The following FAM161A variants were observed in gnomAD, a reference collection of about 807,000 sequenced individuals.
FAM161A encodes the protein FAM161 centrosomal protein A.
FAM161A carries 57 observed loss-of-function variants against 70.9 expected under a neutral mutation model. That is an observed-to-expected ratio of 0.80 (90% confidence interval 0.65 to 1.00). The LOEUF (loss-of-function observed/expected upper bound fraction) is 1.00, where lower values mean the gene tolerates loss of function less well. FAM161A is among the 50% of genes least tolerant of loss of function. The pLI, the probability that FAM161A is intolerant of heterozygous loss-of-function variation, is 0.00. For missense variants in FAM161A, 880 were observed against 836.0 expected (o/e 1.05, Z -0.65); for synonymous variants, 299 against 295.7 (o/e 1.01, Z -0.12).
chr2:61,801,282 G>A, the FAM161A span, among the ~76,000 whole-genome samples: 1 of 151,794 alleles, frequency 6.6e-6, no homozygotes, highest in South Asian at 2.1e-4. Flanking sequence ...CGGATCATGA[G>A]GTCAGGAGTC....
chr2:61,813,796 G>C, the FAM161A span, among the ~76,000 whole-genome samples: 1 of 151,990 alleles, frequency 6.6e-6, no homozygotes, highest in African/African-American at 2.4e-5. Context: ...TGCTGAAACA[G>C]TGTGCTTGAT....
At chr2:61,838,880 A>ATTT (rs1553354078) in intron 3 of FAM161A, among the ~76,000 whole-genome samples, 175 bp from the exon 4 acceptor site, 4 of 143,174 alleles carry the variant, frequency 2.8e-5, no homozygotes, top group Non-Finnish European at 4.5e-5. Flanking sequence ...TTATTTATTT[A>ATTT]TTTATTTATT....
Position 61,826,370 on chromosome 2 carries a change from C to T in FAM161A, c.*85G>A. ...GCCCTGCACATATCAGAAGCGTCCCCACAGATGTTCTAAACACAAATGCGG... is the reference window on the plus strand; with the variant it reads ...GCCCTGCACATATCAGAAGCGTCCCTACAGATGTTCTAAACACAAATGCGG... On this transcript the variant is annotated 3_prime_UTR_variant, in exon 7 of 7. Coordinates refer to ENST00000404929, the MANE Select transcript of FAM161A (RefSeq NM_001201543.2). 1.4e-6 allele frequency: 2 copies of T among 1,474,548 alleles called. No individual in the cohort carries two copies. The highest frequency in any genetic ancestry group is 1.9e-6 in the Non-Finnish European group (2 of 1,065,580). 91.3% of individuals were successfully genotyped at this position (1,474,548 alleles called of 1,614,324 possible).
Position 61,826,323 on chromosome 2 carries a change from C to T in FAM161A, c.*132G>A, listed in dbSNP as rs1349985323. ...ATCAGCTGGATTCAGGCTTTTCAGG[C>T]TACAGATGACTTTGATCAACAGCCC... is the stretch of plus-strand genomic sequence containing the variant. On this transcript the variant is annotated 3_prime_UTR_variant, in exon 7 of 7. Coordinates refer to ENST00000404929, the MANE Select transcript of FAM161A (RefSeq NM_001201543.2). The T allele has an allele frequency of 1.0e-6, 1 of 961,862 alleles. No individual in the cohort carries two copies. The highest frequency in any genetic ancestry group is 1.4e-5 in the South Asian group (1 of 71,846). 59.6% of individuals were successfully genotyped at this position (961,862 alleles called of 1,614,324 possible).
intron 4 of FAM161A, chr2:61,836,864 G>A: frequency 4.2e-6 from 1 of 238,728 alleles, no homozygotes; most frequent in Non-Finnish European, 9.3e-6. Flanking sequence ...ATGAGCCATT[G>A]CGCCTGGCCT....
chr2:61,812,813 T>C, the FAM161A span, among the ~76,000 whole-genome samples: 45 of 152,244 alleles, frequency 3.0e-4, no homozygotes, highest in Middle Eastern at 6.8e-3. Flanking sequence ...CTCACACCTG[T>C]AATCCCAGCA....
At chr2:61,845,712 T>C (rs1673182385) in intron 1 of FAM161A, among the ~76,000 whole-genome samples, 1 of 151,726 alleles carries the variant, frequency 6.6e-6, no homozygotes, top group Admixed American at 6.6e-5. Context: ...GGAGGATCAC[T>C]TGAGCCCAGG....
At chr2:61,850,252 C>G (rs889280930) in intron 1 of FAM161A, among the ~76,000 whole-genome samples, 1 of 151,932 alleles carries the variant, frequency 6.6e-6, no homozygotes, top group Non-Finnish European at 1.5e-5. Context: ...CAAAATTAGC[C>G]GGGCGTGGTG....
chr2:61,845,369 C>T (rs768654658), intron 1 of FAM161A, among the ~76,000 whole-genome samples: 2 of 152,328 alleles, frequency 1.3e-5, no homozygotes, highest in Non-Finnish European at 2.9e-5. Context: ...ATTTAACTCT[C>T]ACCCAATGCT....
chr2:61,804,768 G>GAGAAGAAAGAAAGAAAGAA, the FAM161A span, among the ~76,000 whole-genome samples: 1 of 118,952 alleles, frequency 8.4e-6, no homozygotes, highest in African/African-American at 3.2e-5. Context: ...GAAAAAGAAA[G>GAGAAGAAAGAAAGAAAGAA]AGAAAGAAAG....
chr2:61,810,478 G>C, the FAM161A span, among the ~76,000 whole-genome samples: 1 of 58,852 alleles, frequency 1.7e-5, no homozygotes, highest in East Asian at 3.1e-4. Flanking sequence ...TTTTTTTTGA[G>C]ATGGAGTCTC....
At position 61,824,901 on chromosome 2, in the gene FAM161A, C is replaced by T; in HGVS notation, c.*1554G>A. On this transcript the variant is annotated 3_prime_UTR_variant, in exon 7 of 7. Coordinates refer to ENST00000404929, the MANE Select transcript of FAM161A (RefSeq NM_001201543.2). ...TTAAGTACCTACCATATGTACAATACTGTTCCAAATATTAAGGGAATACAA... is the reference window on the plus strand; with the variant it reads ...TTAAGTACCTACCATATGTACAATATTGTTCCAAATATTAAGGGAATACAA... 1 of 449,188 alleles carries T rather than the reference C, an allele frequency of 2.2e-6. No individual in the cohort carries two copies. The highest frequency in any genetic ancestry group is 4.4e-6 in the Non-Finnish European group (1 of 225,568). The allele number at this position is 449,188 out of a possible 1,614,324, so 27.8% of individuals were successfully genotyped here.
At chr2:61,814,902 A>G in the FAM161A span, among the ~76,000 whole-genome samples, 1 of 152,102 alleles carries the variant, frequency 6.6e-6, no homozygotes, top group Non-Finnish European at 1.5e-5. Flanking sequence ...TAAGAAATAC[A>G]GTTATCCTTT....
the FAM161A span, among the ~76,000 whole-genome samples, chr2:61,816,954 C>T: frequency 2.6e-5 from 4 of 151,998 alleles, no homozygotes; most frequent in South Asian, 2.1e-4. Flanking sequence ...GTCACACACC[C>T]GGAGTGGGAG....
downstream of FAM161A, among the ~76,000 whole-genome samples, chr2:61,822,635 A>G (rs1424782447): frequency 6.6e-6 from 1 of 152,158 alleles, no homozygotes; most frequent in Non-Finnish European, 1.5e-5. Context: ...TGCCTAGGCT[A>G]GAGTGCAGTG....
rs755372285 is a variant in FAM161A at position 61,839,664 on chromosome 2, G to A, written c.1340C>T (p.Ser447Phe). ...RYQKHLSEHKSPKLLTVCKPF... is the reference protein window; with the variant it reads ...RYQKHLSEHKFPKLLTVCKPF... Reference sequence around the variant, plus strand: ...TTTACACACTGTTAAGAGTTTTGGAGACTTGTGTTCTGAGAGGTGTTTCTG... The same window carrying A: ...TTTACACACTGTTAAGAGTTTTGGAAACTTGTGTTCTGAGAGGTGTTTCTG... The change falls in exon 3 of 7, where the codon TCT becomes TTT. Residue 447 changes from serine to phenylalanine, a missense_variant. Transcript: ENST00000404929. 1.2e-6 allele frequency: 2 copies of A among 1,614,224 alleles called. No individual in the cohort carries two copies. The highest frequency in any genetic ancestry group is 2.2e-5 in the South Asian group (2 of 91,088).
intron 5 of FAM161A, chr2:61,835,500 T>A (rs1672737377): frequency 6.6e-6 from 1 of 152,446 alleles, no homozygotes; most frequent in African/African-American, 2.4e-5. Context: ...TAACTCTGAT[T>A]CAATTAGCCA....
chr2:61,809,307 G>A, the FAM161A span, among the ~76,000 whole-genome samples: 1 of 152,072 alleles, frequency 6.6e-6, no homozygotes, highest in African/African-American at 2.4e-5. Flanking sequence ...GTGGCCTGGG[G>A]CTCAGCCTTC....
chr2:61,839,967 A>C lies in FAM161A; in HGVS notation c.1037T>G (p.Leu346Arg), dbSNP rs1371332635. 1.2e-6 allele frequency: 2 copies of C among 1,614,084 alleles called. No individual in the cohort carries two copies. The highest frequency in any genetic ancestry group is 2.7e-5 in the African/African-American group (2 of 74,924). ...AAREKQLRDF[L>R]KYKKKTNRFK... ...TCGATTTGTTTTCTTTTTATACTTA[A>C]GAAAGTCTCTCAGCTGCTTTTCCCG... is the stretch of plus-strand genomic sequence containing the variant. Residue 346 changes from leucine (L) to arginine (R), a missense_variant, in exon 3 of 7, where the codon CTT becomes CGT. Physicochemically the swap from Leu to Arg is moderately radical, Grantham distance 102. Transcript: ENST00000404929.
Sources: allele counts gnomAD v4.1 joint callset (sites outside exome capture counted in the v4.1 genomes callset), GRCh38; gene constraint gnomAD v4.1.1; transcripts MANE v1.5; gene names NCBI Gene and HGNC (gene_info 2026-07-23, HGNC 2026-07-21).